The following ANKRD11 variants were observed in gnomAD, a reference collection of about 807,000 sequenced individuals.
The protein encoded by ANKRD11 is ankyrin repeat domain 11.
In ANKRD11, 17 loss-of-function variants were observed where a neutral mutation model predicts 195.7. That is an observed-to-expected ratio of 0.09 (90% CI 0.06 to 0.13). The LOEUF is 0.13. Ranked by LOEUF, ANKRD11 falls within the 10% of genes least tolerant of loss-of-function variation. The probability of loss-of-function intolerance (pLI) is 1.00; values close to 1 mark genes in which losing one functional copy is unlikely to be tolerated. For synonymous variants in ANKRD11, 1,953 were observed against 1,528.1 expected (o/e 1.28, Z -6.49); for missense variants, 3,735 against 3,566.1 (o/e 1.05, Z -1.21).
At chr16:89,446,460 C>T (rs966437722) in intron 1 of ANKRD11, among the ~76,000 whole-genome samples, 7 of 152,022 alleles carry the variant, frequency 4.6e-5, no homozygotes, top group African/African-American at 7.2e-5. Flanking sequence ...AAAACTTATC[C>T]GGGTGTGGTG....
At chr16:89,471,782 CAAAAAAAAAAAA>C (rs56391654) in intron 1 of ANKRD11, among the ~76,000 whole-genome samples, 19 of 53,500 alleles carry the variant, frequency 3.6e-4, no homozygotes, top group South Asian at 3.4e-3. Flanking sequence ...GACTCTGTCT[CAAAAAAAAAAAA>C]AAAAAAAAAA....
intron 1 of ANKRD11, among the ~76,000 whole-genome samples, chr16:89,462,889 G>C (rs1370605126): frequency 6.6e-6 from 1 of 151,850 alleles, no homozygotes; most frequent in Non-Finnish European, 1.5e-5. Flanking sequence ...CCCCATCCGG[G>C]AGGGAGGTGA....
intron 2 of ANKRD11, among the ~76,000 whole-genome samples, chr16:89,382,996 G>A (rs925399984): frequency 6.6e-5 from 10 of 152,164 alleles, no homozygotes; most frequent in African/African-American, 2.2e-4. Flanking sequence ...GTGAGCCACC[G>A]TGCCAGGCTT....
chr16:89,489,374 C>T (rs887841301), intron 1 of ANKRD11, among the ~76,000 whole-genome samples: 2 of 151,694 alleles, frequency 1.3e-5, no homozygotes, highest in East Asian at 1.9e-4. Context: ...CAGCCGCCAC[C>T]GCCACCGCTT....
intron 2 of ANKRD11, among the ~76,000 whole-genome samples, chr16:89,393,780 G>C (rs2041306885): frequency 6.6e-6 from 1 of 152,154 alleles, no homozygotes; most frequent in South Asian, 2.1e-4. Flanking sequence ...ATCTGGCAGA[G>C]CTCTGCATGG....
chr16:89,397,665 C>T (rs887600648), intron 2 of ANKRD11, among the ~76,000 whole-genome samples: 1 of 152,242 alleles, frequency 6.6e-6, no homozygotes, highest in African/African-American at 2.4e-5. Context: ...GACACAGTTC[C>T]CAGTTTTACA....
chr16:89,275,065 GC>G (rs781453809), intron 10 of ANKRD11, 27 bp downstream of exon 10: 3 of 1,611,774 alleles, frequency 1.9e-6, no homozygotes, highest in African/African-American at 1.3e-5. Flanking sequence ...TGGCCGTGGC[GC>G]CCCCCTGCCT....
In ANKRD11 at chr16:89,284,153, C is replaced by G; in HGVS notation, c.2389G>C (p.Glu797Gln). Residue 797 changes from glutamate to glutamine, a missense_variant, in exon 9 of 13, where the codon GAA becomes CAA. Transcript: ENST00000301030. The stretch of plus-strand genomic sequence containing the variant: ...TCTTTTTTGAGTTTTTCTTTATCTT[C>G]TTTAAAAATCTTCTCCTTCTCTTTT... ...ISKEKEKIFK[E>Q]DKEKLKKEKV... The G allele has an allele frequency of 6.2e-7, 1 of 1,604,436 alleles. No individual in the cohort carries two copies.
chr16:89,480,418 A>G (rs1211957675), intron 1 of ANKRD11, among the ~76,000 whole-genome samples: 3 of 151,610 alleles, frequency 2.0e-5, no homozygotes, highest in African/African-American at 7.3e-5. Flanking sequence ...CGGAGGTTGC[A>G]GTGAGCCGAG....
chr16:89,444,425 A>G (rs979809851), intron 1 of ANKRD11, among the ~76,000 whole-genome samples: 3 of 147,614 alleles, frequency 2.0e-5, no homozygotes, highest in African/African-American at 7.5e-5. Context: ...GGCTCCAGAA[A>G]GCACTAACGG....
chr16:89,445,521 A>G (rs1361786225), intron 1 of ANKRD11, among the ~76,000 whole-genome samples: 3 of 152,136 alleles, frequency 2.0e-5, no homozygotes, highest in Non-Finnish European at 4.4e-5. Context: ...GAGGCTGAGG[A>G]TGATCCGTCC....
chr16:89,362,654 C>T (rs2911245), intron 2 of ANKRD11, among the ~76,000 whole-genome samples: 7,693 of 152,152 alleles, frequency 0.051, 272 homozygotes, highest in East Asian at 0.17. Flanking sequence ...GCTGACATTC[C>T]TAAATATCTG....
At chr16:89,342,360 A>G (rs2038731651) in intron 2 of ANKRD11, among the ~76,000 whole-genome samples, 1 of 152,242 alleles carries the variant, frequency 6.6e-6, no homozygotes, top group Admixed American at 6.5e-5. Context: ...GAGAGTCGGA[A>G]AACGTTGAAC....
At chr16:89,369,988 G>A (rs1457296068) in intron 2 of ANKRD11, among the ~76,000 whole-genome samples, 3 of 152,202 alleles carry the variant, frequency 2.0e-5, no homozygotes, top group Non-Finnish European at 4.4e-5. Context: ...AGCTCAGAGA[G>A]GCTGGGGGCC....
intron 2 of ANKRD11, among the ~76,000 whole-genome samples, chr16:89,403,015 AAAC>A (rs2041763770): frequency 6.6e-6 from 1 of 152,146 alleles, no homozygotes; most frequent in South Asian, 2.1e-4. Context: ...CCCCACCATC[AAAC>A]ACCAGGCTCC....
chr16:89,329,462 T>C (rs2037931700), intron 2 of ANKRD11, among the ~76,000 whole-genome samples: 1 of 152,228 alleles, frequency 6.6e-6, no homozygotes, highest in South Asian at 2.1e-4. Flanking sequence ...GAATAGTCTA[T>C]ACTTTTAGGT....
intron 9 of ANKRD11, among the ~76,000 whole-genome samples, chr16:89,276,631 C>G (rs544677249): frequency 6.6e-6 from 1 of 152,188 alleles, no homozygotes; most frequent in African/African-American, 2.4e-5. Context: ...CCTGCCACAG[C>G]GTGGACGCAC....
chr16:89,439,573 A>C (rs984117605), intron 1 of ANKRD11, among the ~76,000 whole-genome samples: 3 of 152,242 alleles, frequency 2.0e-5, no homozygotes, highest in Non-Finnish European at 2.9e-5. Flanking sequence ...TGTGATATTT[A>C]GGATAAAGCT....
intron 1 of ANKRD11, among the ~76,000 whole-genome samples, chr16:89,451,437 A>C (rs2044070301): frequency 7.1e-6 from 1 of 140,458 alleles, no homozygotes; most frequent in African/African-American, 2.6e-5. Context: ...TTTGAGACGA[A>C]GCCTCACTCT....
Sources: allele counts gnomAD v4.1 joint callset (sites outside exome capture counted in the v4.1 genomes callset), GRCh38; gene constraint gnomAD v4.1.1; transcripts MANE v1.5; gene names NCBI Gene and HGNC (gene_info 2026-07-23, HGNC 2026-07-21).